Variants in NKX6-3 observed in about 807,000 individuals in gnomAD.
NKX6-3 encodes NK6 homeobox 3.
Under a neutral mutation model 22.0 loss-of-function variants are expected in NKX6-3, and 17 were observed. The observed-to-expected ratio is 0.77, with a 90% CI of 0.53 to 1.16. The LOEUF is 1.16. Among genes scored for constraint, NKX6-3 ranks in the 50% most tolerant of loss-of-function variants. The pLI is 0.00. For synonymous variants in NKX6-3, 177 were observed against 167.2 expected (o/e 1.06, Z -0.45); for missense variants, 363 against 359.0 (o/e 1.01, Z -0.09).
Position 41,646,579 on chromosome 8 carries a change from G to A in NKX6-3, c.668C>T (p.Pro223Leu), listed in dbSNP as rs779482550. Residue 223 changes from proline (P) to leucine (L), a missense_variant, in exon 3 of 3, where the codon CCC becomes CTC. Coordinates refer to ENST00000518699, the MANE Select transcript of NKX6-3 (RefSeq NM_001364841.2). ...AGAGAGGDRA[P>L]SENEDDEYNK... ...GTACTCGTCGTCCTCGTTCTCCGAG[G>A]GTGCGCGGTCCCCGCCTGCGCCTGC... The A allele has an allele frequency of 1.8e-5, 28 of 1,591,296 alleles. No individual in the cohort carries two copies. Among genetic ancestry groups the A allele is most frequent in the Non-Finnish European group, 2.1e-5 (25 of 1,169,764 alleles).
intron 2 of NKX6-3, chr8:41,647,044 C>T: frequency 1.2e-6 from 1 of 832,726 alleles, no homozygotes; most frequent in East Asian, 2.7e-5. Context: ...GAAGGCTTAG[C>T]CCCGGTGCTC....
chr8:41,650,449 G>T lies in NKX6-3; in HGVS notation c.44C>A (p.Pro15Gln). ...LQGTFLLNNT[P>Q]LAQFPEMKAP... ...CTTCATCTCCGGAAACTGAGCCAGC[G>T]GCGTGTTGTTCAGCAGGAACGTCCC... The change falls in exon 1 of 3, where the codon CCG becomes CAG. Residue 15 changes from proline (P) to glutamine (Q), a missense_variant. Transcript: ENST00000518699. 2 of 1,535,684 alleles carry T rather than the reference G, an allele frequency of 1.3e-6. No individual in the cohort carries two copies. Among genetic ancestry groups the T allele is most frequent in the South Asian group, 1.2e-5 (1 of 84,032 alleles).
intron 1 of NKX6-3, among the ~76,000 whole-genome samples, chr8:41,649,390 C>T (rs1009481915): frequency 6.6e-6 from 1 of 152,212 alleles, no homozygotes; most frequent in Admixed American, 6.5e-5. Context: ...CACCTCCCTG[C>T]CTCCCAGCAG....
chr8:41,648,171 G>A lies in NKX6-3; in HGVS notation c.447C>T (p.His149=), dbSNP rs1484387469. The change falls in exon 2 of 3, where the codon CAC becomes CAT. Residue 149 remains histidine, a synonymous_variant. Transcript: ENST00000518699. ...KKHTRPTFTG[H]QIFALEKTFE... is the part of the protein sequence containing the mutation. ...AGGTTTTCTCCAGGGCAAAGATCTG[G>A]TGCCCCGTGAAGGTGGGCCGGGTGT... 1 of 1,538,474 alleles carries A rather than the reference G, an allele frequency of 6.5e-7. No homozygotes were observed. The highest frequency in any genetic ancestry group is 8.7e-7 in the Non-Finnish European group (1 of 1,146,904).
chr8:41,647,448 T>C (rs1804236473), intron 2 of NKX6-3: 8 of 1,287,122 alleles, frequency 6.2e-6, no homozygotes. Flanking sequence ...TCCCCGGGTC[T>C]ATTTAGGGGG....
chr8:41,647,124 GT>G, intron 2 of NKX6-3: 1 of 1,515,056 alleles, frequency 6.6e-7, no homozygotes, highest in East Asian at 2.3e-5. Flanking sequence ...ATAAATAATT[GT>G]TCCCCTAGTT....
chr8:41,647,617 C>T (rs1025010730), intron 2 of NKX6-3, among the ~76,000 whole-genome samples: 1 of 152,194 alleles, frequency 6.6e-6, no homozygotes, highest in African/African-American at 2.4e-5. Context: ...AGGTCAGCTC[C>T]TTTTGCTGAC....
At position 41,650,495 on chromosome 8, in the gene NKX6-3, T is replaced by C. The variant is rs1344725379; in HGVS notation, c.-3A>G. On this transcript the variant is annotated 5_prime_UTR_variant, in exon 1 of 3. Transcript: ENST00000518699. Reference sequence around the variant, plus strand: ...GTCCCCTGCAGGTTGGACTCCATGATCTCCCAGTCAGGACAGGGAAGGCTT... The same window carrying C: ...GTCCCCTGCAGGTTGGACTCCATGACCTCCCAGTCAGGACAGGGAAGGCTT... The C allele has an allele frequency of 3.9e-6, 6 of 1,535,124 alleles. No homozygotes were observed. In the South Asian group the frequency reaches 6.0e-5, roughly 15 times the overall value.
At chr8:41,647,441 C>T in intron 2 of NKX6-3, 1 of 1,391,550 alleles carries the variant, frequency 7.2e-7, no homozygotes, top group Non-Finnish European at 9.5e-7. Flanking sequence ...ACCGGTTTCC[C>T]CGGGTCTATT....
Position 41,645,691 on chromosome 8 carries a change from G to A in NKX6-3, c.*758C>T, listed in dbSNP as rs1804186141. On this transcript the variant is annotated 3_prime_UTR_variant, in exon 3 of 3. Coordinates refer to ENST00000518699, the MANE Select transcript of NKX6-3 (RefSeq NM_001364841.2). ...TCCCCTTTTCCCCGGCTGTCAGGATGAGGAGGGCACAGCGGTCTCAGAGGT... is the reference window on the plus strand; with the variant it reads ...TCCCCTTTTCCCCGGCTGTCAGGATAAGGAGGGCACAGCGGTCTCAGAGGT... The A allele has an allele frequency of 6.6e-6, 1 of 152,336 alleles. No individual in the cohort carries two copies. The highest frequency in any genetic ancestry group is 1.5e-5 in the Non-Finnish European group (1 of 68,174). The allele number at this position is 152,336 out of a possible 1,614,324, so 9.4% of individuals were successfully genotyped here.
At position 41,650,266 on chromosome 8, in the gene NKX6-3, T is replaced by G; in HGVS notation, c.227A>C (p.His76Pro). The change falls in exon 1 of 3, where the codon CAC becomes CCC. Residue 76 changes from histidine to proline, a missense_variant. His to Pro is a moderately conservative substitution (Grantham distance 77, BLOSUM62 -2). Transcript: ENST00000518699. ...GCTGAGCCCCCCAAAGCCTGCCACG[T>G]GGGGGTAGCCGGAGAGGAGGCTGTT... Reference protein sequence around the residue: ...PNNSLLSGYPHVAGFGGLSSQ... With the variant: ...PNNSLLSGYPPVAGFGGLSSQ... 6.5e-7 allele frequency: 1 copy of G among 1,533,626 alleles called. No individual in the cohort carries two copies. Among genetic ancestry groups the G allele is most frequent in the South Asian group, 1.2e-5 (1 of 83,726 alleles).
chr8:41,648,256 T>A lies in NKX6-3; in HGVS notation c.383-21A>T, dbSNP rs1161840135. 10 of 1,526,202 alleles carry A rather than the reference T, an allele frequency of 6.6e-6. No homozygotes were observed. In the East Asian group the frequency reaches 2.5e-4, roughly 37 times the overall value. 94.5% of individuals were successfully genotyped at this position (1,526,202 alleles called of 1,614,324 possible). A position where few individuals can be genotyped will look rare whatever the true frequency, so the allele number is the denominator to read the frequency against. Reference sequence around the variant, plus strand: ...TGGGGCTGGCAGGAGGAAGGAAGTGTGGGGTTAGTAGAATAAGTGGGGACC... The same window carrying A: ...TGGGGCTGGCAGGAGGAAGGAAGTGAGGGGTTAGTAGAATAAGTGGGGACC... On this transcript the variant is annotated intron_variant, in intron 1 of 2. Transcript: ENST00000518699.
At position 41,645,565 on chromosome 8, in the gene NKX6-3, C is replaced by T. The variant is rs1158019393; in HGVS notation, c.*884G>A. The stretch of plus-strand genomic sequence containing the variant: ...CTTCCTTTCCTCCCCAGGTGGGATG[C>T]TTTTTCTCTCTGGGTGGGCCTGTCC... On this transcript the variant is annotated 3_prime_UTR_variant, in exon 3 of 3. Coordinates refer to ENST00000518699, the MANE Select transcript of NKX6-3 (RefSeq NM_001364841.2). 1 of 152,306 alleles carries T rather than the reference C, an allele frequency of 6.6e-6. No homozygotes were observed. Among genetic ancestry groups the T allele is most frequent in the Non-Finnish European group, 1.5e-5 (1 of 68,160 alleles). 9.4% of individuals were successfully genotyped at this position (152,306 alleles called of 1,614,324 possible). A position where few individuals can be genotyped will look rare whatever the true frequency, so the allele number is the denominator to read the frequency against.
chr8:41,649,132 G>A (rs1267896862), intron 1 of NKX6-3, among the ~76,000 whole-genome samples: 3 of 152,196 alleles, frequency 2.0e-5, no homozygotes, highest in Non-Finnish European at 2.9e-5. Flanking sequence ...GCCTAAAACA[G>A]GATCTGAGAG....
Position 41,650,442 on chromosome 8 carries a change from A to T in NKX6-3, c.51T>A (p.Ala17=), listed in dbSNP as rs1223300125. Residue 17 remains alanine, a synonymous_variant, in exon 1 of 3, where the codon GCT becomes GCA. Coordinates refer to ENST00000518699, the MANE Select transcript of NKX6-3 (RefSeq NM_001364841.2). ...CCGGGGCCTTCATCTCCGGAAACTG[A>T]GCCAGCGGCGTGTTGTTCAGCAGGA... ...GTFLLNNTPL[A]QFPEMKAPVC... 1 of 1,535,710 alleles carries T rather than the reference A, an allele frequency of 6.5e-7. No individual in the cohort carries two copies. The highest frequency in any genetic ancestry group is 2.4e-5 in the East Asian group (1 of 40,892).
intron 1 of NKX6-3, among the ~76,000 whole-genome samples, chr8:41,649,656 C>A (rs1014765487): frequency 3.3e-5 from 5 of 152,186 alleles, no homozygotes; most frequent in Non-Finnish European, 7.4e-5. Flanking sequence ...GGTCAGGGTG[C>A]GTTCTGCACC....
chr8:41,646,221 C>T lies in NKX6-3; in HGVS notation c.*228G>A, dbSNP rs1804196356. Reference sequence around the variant, plus strand: ...AGGAGTGCTGTGCCTCCCTCCTGGCCTCCTCCTCCCTTAGCTAGGATGCCT... The same window carrying T: ...AGGAGTGCTGTGCCTCCCTCCTGGCTTCCTCCTCCCTTAGCTAGGATGCCT... On this transcript the variant is annotated 3_prime_UTR_variant, in exon 3 of 3. Coordinates refer to ENST00000518699, the MANE Select transcript of NKX6-3 (RefSeq NM_001364841.2). 1.6e-6 allele frequency: 1 copy of T among 621,120 alleles called. No homozygotes were observed. Among genetic ancestry groups the T allele is most frequent in the Non-Finnish European group, 2.8e-6 (1 of 359,846 alleles). 38.5% of individuals were successfully genotyped at this position (621,120 alleles called of 1,614,324 possible).
chr8:41,646,443 C>T lies in NKX6-3; in HGVS notation c.*6G>A. On this transcript the variant is annotated 3_prime_UTR_variant, in exon 3 of 3. Transcript: ENST00000518699. The stretch of plus-strand genomic sequence containing the variant: ...CAGCCAGGATCCCGGGCCTGGACGG[C>T]GGGCGTCAGACGCTGTGCGCTCCCA... The T allele has an allele frequency of 2.5e-6, 4 of 1,587,972 alleles. No homozygotes were observed. In the South Asian group the frequency reaches 3.4e-5, roughly 14 times the overall value.
Position 41,646,614 on chromosome 8 carries a change from GC to G in NKX6-3, c.632del (p.Gly211AlafsTer128). Reference protein sequence around the residue: ...EPSSSTPRAPGGAGAGAGGDR... With the variant: ...EPSSSTPRAPXGAGAGAGGDR... ...CCCCGCCTGCGCCTGCACCCGCGCC[GC>G]CCGGGGCCCGGGGCGTGGAGGACGA... On this transcript the variant is annotated frameshift_variant, in exon 3 of 3. Coordinates refer to ENST00000518699, the MANE Select transcript of NKX6-3 (RefSeq NM_001364841.2). LOFTEE classifies it high-confidence loss of function. 3.9e-6 allele frequency: 6 copies of G among 1,557,824 alleles called. No individual in the cohort carries two copies. The highest frequency in any genetic ancestry group is 5.2e-6 in the Non-Finnish European group (6 of 1,151,878).
Sources: gnomAD v4.1 joint callset for allele counts (sites outside exome capture counted in the v4.1 genomes callset) on GRCh38, gnomAD v4.1.1 for gene constraint, MANE v1.5 for transcripts, NCBI Gene and HGNC (gene_info 2026-07-23, HGNC 2026-07-21) for gene names.